Variants in COL21A1 observed in about 807,000 individuals in gnomAD.
COL21A1 encodes the protein collagen alpha-1(XXI) chain.
Under a neutral mutation model 137.9 loss-of-function variants are expected in COL21A1, and 149 were observed. That is an observed-to-expected ratio of 1.08 (90% CI 0.95 to 1.24). The LOEUF (loss-of-function observed/expected upper bound fraction) is 1.24, where lower values mean the gene tolerates loss of function less well. Ranked by LOEUF, COL21A1 falls within the 50% of genes most tolerant of loss-of-function variation. The pLI, the probability that COL21A1 is intolerant of heterozygous loss-of-function variation, is 0.00. For synonymous variants in COL21A1, 456 were observed against 391.5 expected (o/e 1.16, Z -1.95); for missense variants, 1,167 against 1,158.4 (o/e 1.01, Z -0.11).
At chr6:56,308,355 A>AG (rs1284380583) in intron 1 of COL21A1, among the ~76,000 whole-genome samples, 2 of 152,240 alleles carry the variant, frequency 1.3e-5, no homozygotes, top group African/African-American at 4.8e-5. Flanking sequence ...CAGGACTGTG[A>AG]GAAATCAATT....
chr6:56,073,931 G>A (rs1451816502), intron 20 of COL21A1, among the ~76,000 whole-genome samples: 3 of 151,212 alleles, frequency 2.0e-5, no homozygotes, highest in African/African-American at 4.8e-5. Context: ...TGGTGGTTTT[G>A]GCACTGAGCT....
chr6:56,260,848 C>CTGTGTGTGTGTGCG (rs1763252429), intron 1 of COL21A1, among the ~76,000 whole-genome samples: 1 of 135,216 alleles, frequency 7.4e-6, no homozygotes, highest in Non-Finnish European at 1.6e-5. Flanking sequence ...CTTTAATTCA[C>CTGTGTGTGTGTGCG]TGTGTGTGTG....
rs188621915 is a variant in COL21A1 at position 56,076,015 on chromosome 6, A to T, written c.1858-483T>A. On this transcript the variant is annotated intron_variant, in intron 18 of 29. Transcript: ENST00000244728. ...GTGAGAGAGTGCTGGTCTTCCAAGA[A>T]GTAGGAGAGGTATTCAAAGATCTCT... Among the ~76,000 whole-genome samples, 271 of 151,626 alleles carry T rather than the reference A, an allele frequency of 1.8e-3. 6 individuals carry two copies. Among genetic ancestry groups the T allele is most frequent in the South Asian group, 0.016 (77 of 4,822 alleles).
intron 12 of COL21A1, among the ~76,000 whole-genome samples, chr6:56,136,525 C>T (rs1400737014): frequency 6.6e-6 from 1 of 152,156 alleles, no homozygotes; most frequent in Non-Finnish European, 1.5e-5. Context: ...CCACTTCCCA[C>T]AGGCTGCTTT....
chr6:56,320,567 C>A (rs1764841371), intron 1 of COL21A1, among the ~76,000 whole-genome samples: 1 of 151,298 alleles, frequency 6.6e-6, no homozygotes, highest in African/African-American at 2.4e-5. Context: ...CTCTCCTTTT[C>A]TTCTCTCTCC....
intron 10 of COL21A1, among the ~76,000 whole-genome samples, chr6:56,142,482 A>C (rs1037074304): frequency 6.6e-6 from 1 of 152,204 alleles, no homozygotes; most frequent in African/African-American, 2.4e-5. Context: ...GAAGGTGGTT[A>C]TGACATATCC....
In COL21A1 at chr6:56,059,157, A is replaced by G. The variant is rs761600487; in HGVS notation, c.2686+8T>C. ...CAGTAACACTTATGAGCAGGTAGCA[A>G]TTCTCACCTGGGGGACCAGGAGGAC... On this transcript the variant is annotated splice_region_variant and intron_variant, in intron 29 of 29. Coordinates refer to ENST00000244728, the MANE Select transcript of COL21A1 (RefSeq NM_030820.4). 2 of 1,610,396 alleles carry G rather than the reference A, an allele frequency of 1.2e-6. No homozygotes were observed. Among genetic ancestry groups the G allele is most frequent in the African/African-American group, 1.3e-5 (1 of 74,898 alleles).
intron 1 of COL21A1, among the ~76,000 whole-genome samples, chr6:56,318,412 C>T (rs529719366): frequency 6.4e-4 from 97 of 152,222 alleles, no homozygotes; most frequent in South Asian, 2.7e-3. Flanking sequence ...ACTCACTCCC[C>T]CATTCCCCTA....
At chr6:56,187,256 C>A (rs1778363625) in intron 1 of COL21A1, among the ~76,000 whole-genome samples, 2 of 152,070 alleles carry the variant, frequency 1.3e-5, no homozygotes, top group African/African-American at 4.8e-5. Context: ...TTCCTGATAA[C>A]TAACCCACTC....
chr6:56,126,976 T>C (rs1318519952), intron 12 of COL21A1, among the ~76,000 whole-genome samples: 2 of 152,200 alleles, frequency 1.3e-5, no homozygotes, highest in Non-Finnish European at 2.9e-5. Flanking sequence ...TAAAGAGTGA[T>C]ATATTTATTC....
At position 56,113,908 on chromosome 6, in the gene COL21A1, C is replaced by T. The variant is rs543358689; in HGVS notation, c.1758+10154G>A. Among the ~76,000 whole-genome samples, 13 of 152,226 alleles carry T rather than the reference C, an allele frequency of 8.5e-5. No homozygotes were observed. The South Asian group carries it at 1.7e-3, about 19-fold the overall frequency. On this transcript the variant is annotated intron_variant, in intron 16 of 29. Coordinates refer to ENST00000244728, the MANE Select transcript of COL21A1 (RefSeq NM_030820.4). ...TATGAGACCTTGGGGCTCAAAGAAA[C>T]GTCAGTGGTCATCTGGCAGTACTCC...
intron 1 of COL21A1, among the ~76,000 whole-genome samples, chr6:56,304,544 T>C (rs1582768122): frequency 6.6e-6 from 1 of 152,248 alleles, no homozygotes; most frequent in East Asian, 1.9e-4. Flanking sequence ...TATTCTCTGA[T>C]GGTAGTTTGT....
chr6:56,305,043 T>G (rs1764407363), intron 1 of COL21A1, among the ~76,000 whole-genome samples: 2 of 152,348 alleles, frequency 1.3e-5, no homozygotes, highest in South Asian at 4.1e-4. Context: ...CTGAGTGGTT[T>G]TGAGTGAGTT....
chr6:56,180,997 C>G (rs571064445), intron 2 of COL21A1, among the ~76,000 whole-genome samples: 11 of 152,194 alleles, frequency 7.2e-5, no homozygotes, highest in Non-Finnish European at 1.6e-4. Context: ...ACTCTTGTTT[C>G]AGATCCCTGA....
chr6:56,348,990 T>C (rs1259920087), intron 1 of COL21A1, among the ~76,000 whole-genome samples: 1 of 152,194 alleles, frequency 6.6e-6, no homozygotes, highest in Non-Finnish European at 1.5e-5. Flanking sequence ...GTGATGAAGA[T>C]GCTAAACATG....
chr6:56,321,198 T>A (rs1447047282), intron 1 of COL21A1, among the ~76,000 whole-genome samples: 2 of 152,178 alleles, frequency 1.3e-5, no homozygotes, highest in Admixed American at 6.6e-5. Context: ...GTCAAGGCAT[T>A]GATTGCCATT....
upstream of COL21A1, among the ~76,000 whole-genome samples, chr6:56,251,051 G>T (rs921914666): frequency 3.3e-5 from 5 of 152,060 alleles, no homozygotes; most frequent in Non-Finnish European, 5.9e-5. Flanking sequence ...GATCAAAAAA[G>T]CCCTTCATTT....
intron 17 of COL21A1, among the ~76,000 whole-genome samples, chr6:56,092,953 T>C (rs1562180779): frequency 6.6e-6 from 1 of 152,106 alleles, no homozygotes; most frequent in African/African-American, 2.4e-5. Flanking sequence ...AGTGCCAGCA[T>C]TCTTTGGCTT....
Position 56,377,595 on chromosome 6 carries a change from C to T in COL21A1, c.-39+16376G>A, listed in dbSNP as rs79678840. Among the ~76,000 whole-genome samples, 1,412 of 152,230 alleles carry T rather than the reference C, an allele frequency of 9.3e-3. 32 individuals carry two copies. Among genetic ancestry groups the T allele is most frequent in the African/African-American group, 0.033 (1,372 of 41,552 alleles). ...TGGGAACTTGAGTTCTTGCAAGCCT[C>T]GCCACAGCAGGCTAAAGCACTCTGG... On this transcript the variant is annotated intron_variant, in intron 1 of 28. Coordinates refer to the COL21A1 transcript ENST00000370819.
Sources: gnomAD v4.1 joint callset for allele counts (sites outside exome capture counted in the v4.1 genomes callset) on GRCh38, gnomAD v4.1.1 for gene constraint, MANE v1.5 for transcripts, NCBI Gene and HGNC (gene_info 2026-07-23, HGNC 2026-07-21) for gene names.